Variants in AKAP1 observed in about 807,000 individuals in gnomAD.
AKAP1 encodes the protein A-kinase anchor protein 1, mitochondrial.
Under a neutral mutation model 79.8 loss-of-function variants are expected in AKAP1, and 32 were observed. That is an observed-to-expected ratio of 0.40 (90% CI 0.30 to 0.54). The LOEUF (loss-of-function observed/expected upper bound fraction) is 0.54. Ranked by LOEUF, AKAP1 falls within the 20% of genes least tolerant of loss-of-function variation. The probability of loss-of-function intolerance (pLI) is 0.47; values close to 1 mark genes in which losing one functional copy is unlikely to be tolerated. For synonymous variants in AKAP1, 416 were observed against 466.7 expected, an observed-to-expected ratio of 0.89 and a Z score of 1.40; for missense variants, 961 against 1,138.9, an observed-to-expected ratio of 0.84 and a Z score of 2.25.
intron 8 of AKAP1, among the ~76,000 whole-genome samples, chr17:57,117,595 A>G (rs1915664767): frequency 6.6e-6 from 1 of 152,108 alleles, no homozygotes; most frequent in Non-Finnish European, 1.5e-5. Context: ...AGCGATTTGC[A>G]TGCGTTAGAA....
intron 1 of AKAP1, among the ~76,000 whole-genome samples, chr17:57,097,975 C>G (rs1914230349): frequency 6.6e-6 from 1 of 152,214 alleles, no homozygotes; most frequent in Non-Finnish European, 1.5e-5. Flanking sequence ...ACTCTCTGTA[C>G]CATTGCCAGG....
At chr17:57,089,395 G>T (rs953803646) in intron 1 of AKAP1, among the ~76,000 whole-genome samples, 5 of 152,158 alleles carry the variant, frequency 3.3e-5, no homozygotes, top group Admixed American at 6.5e-5. Context: ...TCCTGGGTGT[G>T]GGGAGTTTAG....
rs370368479 is a variant in AKAP1, at chr17:57,106,765, C to T, written c.1301C>T (p.Thr434Ile). 1.4e-5 allele frequency: 23 copies of T among 1,614,084 alleles called. No individual in the cohort carries two copies. In the African/African-American group the frequency reaches 2.9e-4, roughly 21 times the overall value. ...LPAEGSPPPK[T>I]YVSCLKSLLS... is the part of the protein sequence containing the mutation. ...GCAGAGGGCTCACCACCACCAAAGA[C>T]CTACGTGAGCTGCCTGAAGAGCCTT... Residue 434 changes from threonine (T) to isoleucine (I), a missense_variant, in exon 2 of 11, where the codon ACC (threonine) becomes ATC (isoleucine). Thr to Ile is a moderately conservative substitution (Grantham distance 89). Coordinates refer to ENST00000337714, the MANE Select transcript of AKAP1 (RefSeq NM_003488.4).
intron 1 of AKAP1, among the ~76,000 whole-genome samples, chr17:57,097,301 G>A (rs1358307347): frequency 6.6e-6 from 1 of 152,172 alleles, no homozygotes; most frequent in African/African-American, 2.4e-5. Context: ...GCAGGGGTGT[G>A]TGTGTGAGTG....
Position 57,106,627 on chromosome 17 carries a change from G to A in AKAP1, c.1163G>A (p.Ser388Asn), listed in dbSNP as rs1313370919. The A allele has an allele frequency of 6.2e-7, 1 of 1,614,196 alleles. No individual in the cohort carries two copies. Among genetic ancestry groups the A allele is most frequent in the Admixed American group, 1.7e-5 (1 of 60,022 alleles). ...CAGCTCCAAGGGCAGAAGGAAGAGA[G>A]CTGTGTCCCAGTTCACCAGAAAACT... ...ASQLQGQKEE[S>N]CVPVHQKTVL... The change falls in exon 2 of 11, where the codon AGC becomes AAC. Residue 388 changes from serine to asparagine, a missense_variant. Transcript: ENST00000337714.
At chr17:57,098,871 C>T (rs1258350670) in intron 1 of AKAP1, among the ~76,000 whole-genome samples, 2 of 151,212 alleles carry the variant, frequency 1.3e-5, no homozygotes, top group Admixed American at 6.6e-5. Context: ...ATGCCATTCT[C>T]CTGCCTCAGC....
intron 2 of AKAP1, among the ~76,000 whole-genome samples, chr17:57,107,690 GT>G (rs1177761787): frequency 6.6e-6 from 1 of 152,032 alleles, no homozygotes. Context: ...GTGTGTGTGT[GT>G]GTTTTAATGG....
At chr17:57,112,805 A>G (rs1490958003) in intron 5 of AKAP1, among the ~76,000 whole-genome samples, 187 bp downstream of exon 5, 2 of 152,220 alleles carry the variant, frequency 1.3e-5, no homozygotes, top group Non-Finnish European at 2.9e-5. Flanking sequence ...TTAGGTGGTG[A>G]TAGCGCTGGC....
At chr17:57,089,415 G>A (rs1264809232) in intron 1 of AKAP1, among the ~76,000 whole-genome samples, 1 of 152,140 alleles carries the variant, frequency 6.6e-6, no homozygotes, top group Non-Finnish European at 1.5e-5. Flanking sequence ...GAGCTGCCTT[G>A]TCTGTAGGGT....
intron 1 of AKAP1, among the ~76,000 whole-genome samples, chr17:57,101,890 AT>A (rs1463066046): frequency 6.6e-6 from 1 of 152,178 alleles, no homozygotes. Context: ...GAACATAGAC[AT>A]TCCATACACA....
intron 1 of AKAP1, among the ~76,000 whole-genome samples, chr17:57,089,153 A>G (rs1224921647): frequency 6.6e-6 from 1 of 152,162 alleles, no homozygotes; most frequent in Non-Finnish European, 1.5e-5. Context: ...TTTGGTCAAA[A>G]TTATCAGTAT....
At chr17:57,092,751 C>T (rs1913856561) in intron 1 of AKAP1, 1 of 152,210 alleles carries the variant, frequency 6.6e-6, no homozygotes, top group Admixed American at 6.5e-5. Flanking sequence ...GCTTTCCCCT[C>T]TGGAGAAAGT....
At chr17:57,112,463 G>A (rs1482558380) in intron 4 of AKAP1, 28 bp from the exon 5 acceptor site, 1 of 1,607,116 alleles carries the variant, frequency 6.2e-7, no homozygotes, top group Non-Finnish European at 8.5e-7. Flanking sequence ...TACAGTGATT[G>A]TATGTCCTGC....
chr17:57,118,292 A>C, intron 8 of AKAP1, 89 bp from the exon 9 acceptor site: 3 of 1,229,742 alleles, frequency 2.4e-6, no homozygotes, highest in Non-Finnish European at 3.6e-6. Flanking sequence ...GAAGCATTCT[A>C]CTTGGAATGC....
rs142583503 is a variant in AKAP1, at chr17:57,114,249, G to T, written c.2104-210G>T. Among the ~76,000 whole-genome samples, 223 of 152,284 alleles carry T rather than the reference G, an allele frequency of 1.5e-3. 1 individual carries two copies. Among genetic ancestry groups the T allele is most frequent in the African/African-American group, 4.8e-3 (200 of 41,572 alleles). The stretch of plus-strand genomic sequence containing the variant: ...GTGAGACTGCCCCTAATGGCTGCTC[G>T]TGGTATTGCAGGACAACAGCCACAG... On this transcript the variant is annotated intron_variant, in intron 5 of 10. Coordinates refer to ENST00000337714, the MANE Select transcript of AKAP1 (RefSeq NM_003488.4).
intron 1 of AKAP1, among the ~76,000 whole-genome samples, chr17:57,100,428 AACAC>A (rs71363890): frequency 6.7e-6 from 1 of 149,702 alleles, no homozygotes; most frequent in Non-Finnish European, 1.5e-5. Context: ...TCTCTGCTAA[AACAC>A]ACACACACAC....
At chr17:57,108,504 C>A (rs1915034805) in intron 2 of AKAP1, among the ~76,000 whole-genome samples, 1 of 152,196 alleles carries the variant, frequency 6.6e-6, no homozygotes, top group Admixed American at 6.5e-5. Context: ...GCCTTGTCTG[C>A]CAACTCTAGA....
chr17:57,089,352 AT>A lies in AKAP1; in HGVS notation c.-25+3959del, dbSNP rs575367777. Among the ~76,000 whole-genome samples the A allele has an allele frequency of 2.7e-3, 405 of 152,258 alleles. 1 individual carries two copies. The highest frequency in any genetic ancestry group is 4.7e-3 in the Non-Finnish European group (322 of 68,004). ...TGTGCTACTGTTCTAAATATTTTTT[AT>A]TTTTAAAGATAGCTTTATTTGCCTA... On this transcript the variant is annotated intron_variant, in intron 1 of 10. Transcript: ENST00000337714.
At chr17:57,105,023 C>CA (rs1914755255) in intron 1 of AKAP1, among the ~76,000 whole-genome samples, 1 of 152,122 alleles carries the variant, frequency 6.6e-6, no homozygotes, top group Non-Finnish European at 1.5e-5. Flanking sequence ...ATGTGGATTC[C>CA]ATGGGGGTTT....
Sources: gnomAD v4.1 joint callset for allele counts (sites outside exome capture counted in the v4.1 genomes callset) on GRCh38, gnomAD v4.1.1 for gene constraint, MANE v1.5 for transcripts, NCBI Gene and HGNC (gene_info 2026-07-23, HGNC 2026-07-21) for gene names.